Variants in CADPS observed in about 807,000 individuals in gnomAD.
The protein encoded by CADPS is calcium dependent secretion activator, also known as calcium-dependent secretion activator 1.
Under a neutral mutation model 167.3 loss-of-function variants are expected in CADPS, and 57 were observed. The ratio of observed to expected loss-of-function variants is 0.34; its 90% CI spans 0.28 to 0.42. The LOEUF is 0.42. Ranked by LOEUF, CADPS falls within the 20% of genes least tolerant of loss-of-function variation. CADPS has a pLI of 1.00. For synonymous variants in CADPS, 676 were observed against 635.3 expected, an observed-to-expected ratio of 1.06 and a Z score of -0.96; for missense variants, 1,414 against 1,738.1, an observed-to-expected ratio of 0.81 and a Z score of 3.32.
At chr3:62,424,196 T>A (rs930450404) in intron 28 of CADPS, among the ~76,000 whole-genome samples, 1 of 152,112 alleles carries the variant, frequency 6.6e-6, no homozygotes, top group African/African-American at 2.4e-5. Context: ...TTCACTTTTT[T>A]TTTTTGAGAC....
chr3:62,698,679 TCTC>T (rs1422472298), intron 3 of CADPS, among the ~76,000 whole-genome samples: 4 of 150,006 alleles, frequency 2.7e-5, no homozygotes, highest in Non-Finnish European at 5.9e-5. Context: ...TCCTCCTCCT[TCTC>T]CTTCACCTTC....
At position 62,579,235 on chromosome 3, in the gene CADPS, G is replaced by A. The variant is rs182426338; in HGVS notation, c.1577+5950C>T. Among the ~76,000 whole-genome samples, 482 of 152,248 alleles carry A rather than the reference G, an allele frequency of 3.2e-3. 4 individuals are homozygous for A. Among genetic ancestry groups the A allele is most frequent in the Non-Finnish European group, 3.4e-3 (231 of 68,034 alleles). ...GGATCGAAAGCAATAACTGTGGACC[G>A]AGCTCTAATGCTTACTCTGACTTGG... On this transcript the variant is annotated intron_variant, in intron 8 of 29. Transcript: ENST00000383710.
intron 6 of CADPS, among the ~76,000 whole-genome samples, chr3:62,633,127 C>T (rs1429987947): frequency 6.6e-6 from 1 of 152,156 alleles, no homozygotes; most frequent in African/African-American, 2.4e-5. Context: ...TGCTAGAATG[C>T]AACCTCCAGA....
chr3:62,691,420 G>A (rs1425102053), intron 3 of CADPS, among the ~76,000 whole-genome samples: 3 of 151,924 alleles, frequency 2.0e-5, no homozygotes, highest in East Asian at 1.9e-4. Context: ...CTGTGTCTGT[G>A]TAGGGGAAGG....
At position 62,465,342 on chromosome 3, in the gene CADPS, G is replaced by A; in HGVS notation, c.3636+25C>T. The A allele has an allele frequency of 6.5e-7, 1 of 1,540,646 alleles. No individual in the cohort carries two copies. Among genetic ancestry groups the A allele is most frequent in the Non-Finnish European group, 8.8e-7 (1 of 1,137,266 alleles). On this transcript the variant is annotated intron_variant, in intron 26 of 29. Transcript: ENST00000383710. The surrounding 1 kb of genome is among the most constrained non-coding windows in gnomAD (Gnocchi z 4.1). ...AAACCAAAAATTAAAACAAAAGCCA[G>A]GAAATAAAGAAGCTCTTTACTTACG...
chr3:62,631,199 G>C (rs1361596597), intron 6 of CADPS, among the ~76,000 whole-genome samples: 1 of 151,918 alleles, frequency 6.6e-6, no homozygotes, highest in East Asian at 1.9e-4. Context: ...AAAAATTTAG[G>C]TGGTAGGTAA....
At chr3:62,782,171 G>T (rs1290376015) in intron 1 of CADPS, among the ~76,000 whole-genome samples, 1 of 152,058 alleles carries the variant, frequency 6.6e-6, no homozygotes, top group African/African-American at 2.4e-5. Context: ...AAATACCAGG[G>T]GGGAAAAAAG....
chr3:62,570,732 G>A (rs1392538144), intron 9 of CADPS, 140 bp downstream of exon 9: 1 of 688,176 alleles, frequency 1.5e-6, no homozygotes, highest in African/African-American at 1.8e-5. Context: ...CTGAATGGTG[G>A]TTACATGGAT....
intron 6 of CADPS, among the ~76,000 whole-genome samples, chr3:62,611,509 C>T (rs1423174775): frequency 2.6e-5 from 4 of 152,184 alleles, no homozygotes; most frequent in Admixed American, 6.5e-5. Flanking sequence ...TCAGCTCTCA[C>T]TACTTTTCTG....
intron 9 of CADPS, among the ~76,000 whole-genome samples, chr3:62,564,221 T>C (rs2079703956): frequency 6.6e-6 from 1 of 152,100 alleles, no homozygotes; most frequent in Non-Finnish European, 1.5e-5. Context: ...CAGGATGGTC[T>C]AGATTCCCTG....
intron 2 of CADPS, among the ~76,000 whole-genome samples, chr3:62,754,319 G>A (rs575820702): frequency 6.6e-6 from 1 of 152,076 alleles, no homozygotes; most frequent in South Asian, 2.1e-4. Context: ...CTAAGTGCAT[G>A]CCACCACACC....
Position 62,603,200 on chromosome 3 carries a change from G to A in CADPS, c.1326-10452C>T, listed in dbSNP as rs1578621819. Among the ~76,000 whole-genome samples the A allele has an allele frequency of 2.0e-5, 3 of 152,250 alleles. No homozygotes were observed. The East Asian group carries it at 5.8e-4, about 29-fold the overall frequency. Reference sequence around the variant, plus strand: ...GCAAAGCACATGAGCACACTCAATAGGCATTTGCTGAAAAAATGATTTCAA... The same window carrying A: ...GCAAAGCACATGAGCACACTCAATAAGCATTTGCTGAAAAAATGATTTCAA... On this transcript the variant is annotated intron_variant, in intron 6 of 29. Coordinates refer to ENST00000383710, the MANE Select transcript of CADPS (RefSeq NM_003716.4).
chr3:62,583,155 G>GTCTCTCTCTC (rs61474581), intron 8 of CADPS, among the ~76,000 whole-genome samples: 1,714 of 147,268 alleles, frequency 0.012, 12 homozygotes, highest in South Asian at 0.018. Context: ...TACCCTCTTT[G>GTCTCTCTCTC]TCTCTCTCTC....
intron 10 of CADPS, among the ~76,000 whole-genome samples, chr3:62,554,965 C>T (rs536330263): frequency 3.9e-4 from 59 of 152,110 alleles, no homozygotes; most frequent in Non-Finnish European, 6.6e-4. Flanking sequence ...GTTGGCCAGG[C>T]TGGTCTCGAA....
At chr3:62,709,839 G>A (rs973025358) in intron 3 of CADPS, among the ~76,000 whole-genome samples, 5 of 151,538 alleles carry the variant, frequency 3.3e-5, no homozygotes, top group Admixed American at 1.3e-4. Flanking sequence ...GTGTAATCTC[G>A]GCTCACTGCA....
At chr3:62,459,241 C>G (rs2059053779) in intron 26 of CADPS, among the ~76,000 whole-genome samples, 1 of 152,210 alleles carries the variant, frequency 6.6e-6, no homozygotes, top group East Asian at 1.9e-4. Flanking sequence ...AGGTGGCCCT[C>G]AGCTCCAGCA....
At chr3:62,452,438 C>T (rs892965870) in intron 26 of CADPS, among the ~76,000 whole-genome samples, 1 of 152,160 alleles carries the variant, frequency 6.6e-6, no homozygotes, top group Non-Finnish European at 1.5e-5. Flanking sequence ...TTTTGGACAG[C>T]TCAGATACAG....
intron 4 of CADPS, among the ~76,000 whole-genome samples, chr3:62,660,557 G>T (rs2072949485): frequency 6.6e-6 from 1 of 152,088 alleles, no homozygotes; most frequent in South Asian, 2.1e-4. Context: ...AAGCACAGGG[G>T]GATTTTGATG....
intron 10 of CADPS, among the ~76,000 whole-genome samples, chr3:62,556,313 A>G (rs1425232230): frequency 6.6e-6 from 1 of 152,186 alleles, no homozygotes; most frequent in Non-Finnish European, 1.5e-5. Context: ...TAACATATGA[A>G]AGACCGAAGG....
Sources: gnomAD v4.1 joint callset for allele counts (sites outside exome capture counted in the v4.1 genomes callset) on GRCh38, gnomAD v4.1.1 for gene constraint, Gnocchi (gnomAD v3.1) non-coding constraint, MANE v1.5 for transcripts, NCBI Gene and HGNC (gene_info 2026-07-23, HGNC 2026-07-21) for gene names.